The following PTCHD4 variants were observed in gnomAD, a reference collection of about 807,000 sequenced individuals.
PTCHD4 encodes patched domain containing 4.
Under a neutral mutation model 58.1 loss-of-function variants are expected in PTCHD4, and 33 were observed. The observed-to-expected ratio is 0.57, with a 90% CI of 0.43 to 0.76. PTCHD4 has a LOEUF of 0.76. Among genes scored for constraint, PTCHD4 ranks in the 30% least tolerant of loss-of-function variants. The pLI is 0.00. For synonymous variants in PTCHD4, 478 were observed against 409.6 expected (o/e 1.17, Z -2.02); for missense variants, 1,058 against 1,027.1 (o/e 1.03, Z -0.41).
At chr6:47,883,606 T>A (rs1394046376) in intron 4 of PTCHD4, among the ~76,000 whole-genome samples, 1 of 152,162 alleles carries the variant, frequency 6.6e-6, no homozygotes, top group Non-Finnish European at 1.5e-5. Flanking sequence ...ATCAATGGAA[T>A]TAATTGTATG....
At chr6:48,019,206 G>A (rs752972354) in intron 3 of PTCHD4, among the ~76,000 whole-genome samples, 2 of 152,224 alleles carry the variant, frequency 1.3e-5, no homozygotes, top group African/African-American at 2.4e-5. Context: ...ACACAGCACA[G>A]GTGGAAAGAG....
At chr6:47,968,153 G>C (rs1042253829) in intron 4 of PTCHD4, among the ~76,000 whole-genome samples, 9 of 152,054 alleles carry the variant, frequency 5.9e-5, no homozygotes, top group African/African-American at 1.9e-4. Flanking sequence ...GTCATTGCAG[G>C]GTTATTAACT....
At chr6:47,889,585 G>A (rs544850931) in intron 4 of PTCHD4, among the ~76,000 whole-genome samples, 1 of 151,900 alleles carries the variant, frequency 6.6e-6, no homozygotes, top group Non-Finnish European at 1.5e-5. Flanking sequence ...ACAAACCTGA[G>A]AAAAACAAGC....
intron 4 of PTCHD4, among the ~76,000 whole-genome samples, chr6:47,904,676 G>A (rs576877003): frequency 6.6e-6 from 1 of 152,158 alleles, no homozygotes; most frequent in Non-Finnish European, 1.5e-5. Flanking sequence ...GTAGTGAATG[G>A]TACAGTATGA....
At chr6:48,096,624 A>AAG (rs1460520938) in intron 1 of PTCHD4, among the ~76,000 whole-genome samples, 2 of 151,474 alleles carry the variant, frequency 1.3e-5, no homozygotes, top group Admixed American at 1.3e-4. Flanking sequence ...AAAAAAAAAA[A>AAG]AAGAAATAAA....
chr6:48,026,122 G>A (rs1763236712), intron 3 of PTCHD4, among the ~76,000 whole-genome samples: 1 of 152,156 alleles, frequency 6.6e-6, no homozygotes, highest in Non-Finnish European at 1.5e-5. Context: ...TGAGATATGT[G>A]TGTTAGAAGT....
intron 4 of PTCHD4, among the ~76,000 whole-genome samples, chr6:47,986,329 C>T (rs1484892708): frequency 6.6e-6 from 1 of 152,082 alleles, no homozygotes; most frequent in South Asian, 2.1e-4. Flanking sequence ...GGTAAGTGTT[C>T]ATCACTGGGA....
chr6:48,109,679 A>G (rs1184194660), intron 1 of PTCHD4, among the ~76,000 whole-genome samples: 1 of 152,132 alleles, frequency 6.6e-6, no homozygotes, highest in East Asian at 1.9e-4. Flanking sequence ...AATATCCAAA[A>G]TCTATAAGAA....
intron 4 of PTCHD4, among the ~76,000 whole-genome samples, chr6:47,968,004 A>G (rs1767359115): frequency 6.6e-6 from 1 of 152,092 alleles, no homozygotes; most frequent in Non-Finnish European, 1.5e-5. Flanking sequence ...TTTCCTTTGC[A>G]TTTACAACTT....
At chr6:48,003,088 C>A (rs1384021728) in intron 4 of PTCHD4, among the ~76,000 whole-genome samples, 1 of 152,172 alleles carries the variant, frequency 6.6e-6, no homozygotes, top group Non-Finnish European at 1.5e-5. Context: ...AATCCCTCAT[C>A]TTCCCAATTT....
chr6:48,041,408 C>T (rs1387118551), intron 3 of PTCHD4, among the ~76,000 whole-genome samples: 1 of 152,034 alleles, frequency 6.6e-6, no homozygotes, highest in East Asian at 1.9e-4. Context: ...GTAAAGACTA[C>T]CTAAGGAACA....
rs1763927551 is a variant in PTCHD4 at position 47,878,885 on chromosome 6, G to A, written c.1950C>T (p.Tyr650=). 6.2e-7 allele frequency: 1 copy of A among 1,613,670 alleles called. No homozygotes were observed. Among genetic ancestry groups the A allele is most frequent in the East Asian group, 2.2e-5 (1 of 44,856 alleles). The change falls in exon 5 of 5, where the codon TAC becomes TAT. Residue 650 remains tyrosine (Y), a synonymous_variant. Coordinates refer to ENST00000339488, the MANE Select transcript of PTCHD4 (RefSeq NM_001384253.1). ...FNPSFVFMDH[Y]SLSVTVPVLI... ...GAACAGGCACTGTGACAGACAAGCT[G>A]TAATGGTCCATGAAGACAAAGGAGG... is the stretch of plus-strand genomic sequence containing the variant.
chr6:48,108,488 G>A (rs151199031), intron 1 of PTCHD4, among the ~76,000 whole-genome samples: 23,947 of 151,628 alleles, frequency 0.16, 2,400 homozygotes, highest in Non-Finnish European at 0.22. Flanking sequence ...GCATTAGGAG[G>A]TATACCTAAT....
chr6:48,048,150 G>A (rs1764106975), intron 3 of PTCHD4, among the ~76,000 whole-genome samples: 3 of 151,880 alleles, frequency 2.0e-5, no homozygotes, highest in South Asian at 4.1e-4. Context: ...AGAATTTAAT[G>A]TGGTTTCCAG....
At chr6:48,042,756 T>G (rs1763890247) in intron 3 of PTCHD4, among the ~76,000 whole-genome samples, 1 of 151,978 alleles carries the variant, frequency 6.6e-6, no homozygotes, top group Admixed American at 6.6e-5. Flanking sequence ...TTTCTAGGTC[T>G]TGCTTTAGTC....
At chr6:47,926,605 A>G (rs149520551) in intron 4 of PTCHD4, among the ~76,000 whole-genome samples, 1 of 152,304 alleles carries the variant, frequency 6.6e-6, no homozygotes, top group East Asian at 1.9e-4. Flanking sequence ...GCTTGAAAGT[A>G]TTGGTTTCAG....
At chr6:47,911,710 G>C (rs1361111099) in intron 4 of PTCHD4, among the ~76,000 whole-genome samples, 2 of 152,062 alleles carry the variant, frequency 1.3e-5, no homozygotes, top group Non-Finnish European at 2.9e-5. Context: ...AATTTGAGAT[G>C]ACCGGTAGAG....
intron 1 of PTCHD4, among the ~76,000 whole-genome samples, chr6:48,106,937 A>G (rs1765741725): frequency 6.6e-6 from 1 of 152,226 alleles, no homozygotes. Context: ...ACGACTGCTC[A>G]ATGAAATAAA....
chr6:47,938,924 C>T (rs1031292615), intron 4 of PTCHD4, among the ~76,000 whole-genome samples: 54 of 152,128 alleles, frequency 3.5e-4, no homozygotes, highest in African/African-American at 1.3e-3. Context: ...CTGATAGAAT[C>T]AATGTACTGG....
Sources: gnomAD v4.1 joint callset for allele counts (sites outside exome capture counted in the v4.1 genomes callset) on GRCh38, gnomAD v4.1.1 for gene constraint, MANE v1.5 for transcripts, NCBI Gene and HGNC (gene_info 2026-07-23, HGNC 2026-07-21) for gene names.